Variants in NCOA5 observed in about 807,000 individuals in gnomAD.
The protein encoded by NCOA5 is nuclear receptor coactivator 5, also known as NCoA-5.
A neutral mutation model predicts 59.0 loss-of-function variants in NCOA5; 12 were observed. The observed-to-expected ratio is 0.20, with a 90% CI of 0.13 to 0.33. The LOEUF (loss-of-function observed/expected upper bound fraction) is 0.33. NCOA5 is among the 10% of genes least tolerant of loss of function. The pLI is 1.00. For synonymous variants in NCOA5, 270 were observed against 275.5 expected, an observed-to-expected ratio of 0.98 and a Z score of 0.20; for missense variants, 655 against 766.6, an observed-to-expected ratio of 0.85 and a Z score of 1.72.
chr20:46,088,523 A>G (rs779351833), intron 1 of NCOA5, among the ~76,000 whole-genome samples: 1 of 152,374 alleles, frequency 6.6e-6, no homozygotes, highest in South Asian at 2.1e-4. Context: ...TTAAATTAAG[A>G]GTTGTCAAAA....
chr20:46,083,400 C>T (rs1434979575), intron 1 of NCOA5, among the ~76,000 whole-genome samples: 11 of 152,222 alleles, frequency 7.2e-5, no homozygotes, highest in Non-Finnish European at 1.5e-5. Flanking sequence ...CTGCTTTCCT[C>T]AGCTCCCTTC....
chr20:46,066,099 T>A (rs1314420195), intron 5 of NCOA5, among the ~76,000 whole-genome samples: 1 of 152,140 alleles, frequency 6.6e-6, no homozygotes, highest in Non-Finnish European at 1.5e-5. Flanking sequence ...AACACCTATT[T>A]CCCTAGTCAC....
chr20:46,062,191 A>T lies in NCOA5; in HGVS notation c.*109T>A. The T allele has an allele frequency of 2.5e-6, 2 of 811,090 alleles. No homozygotes were observed. The highest frequency in any genetic ancestry group is 2.9e-5 in the Admixed American group (1 of 34,756). 50.2% of individuals were successfully genotyped at this position (811,090 alleles called of 1,614,324 possible). On this transcript the variant is annotated 3_prime_UTR_variant, in exon 8 of 8. Coordinates refer to ENST00000290231, the MANE Select transcript of NCOA5 (RefSeq NM_020967.3). ...AGGTGGTAGAAATTGATGACACTCG[A>T]TGCCGGCCTGGGAGCGCAGAGAACA...
At position 46,062,564 on chromosome 20, in the gene NCOA5, T is replaced by A; in HGVS notation, c.1476A>T (p.Gly492=). The A allele has an allele frequency of 7.4e-6, 12 of 1,614,184 alleles. No homozygotes were observed. The highest frequency in any genetic ancestry group is 1.0e-5 in the Non-Finnish European group (12 of 1,180,030). The change falls in exon 8 of 8, where the codon GGA becomes GGT. Residue 492 remains glycine, a synonymous_variant. Coordinates refer to ENST00000290231, the MANE Select transcript of NCOA5 (RefSeq NM_020967.3). ...NQPPSILGQG[G]SAQNMGPRPG... is the part of the protein sequence containing the mutation. Reference sequence around the variant, plus strand: ...GTCTGGGGCCCATGTTCTGAGCAGATCCTCCCTGTCCCAAAATGCTTGGAG... The same window carrying A: ...GTCTGGGGCCCATGTTCTGAGCAGAACCTCCCTGTCCCAAAATGCTTGGAG...
rs545900827 is a variant in NCOA5, at chr20:46,073,444, A to G, written c.39-2908T>C. On this transcript the variant is annotated intron_variant, in intron 2 of 7. Coordinates refer to ENST00000290231, the MANE Select transcript of NCOA5 (RefSeq NM_020967.3). Reference sequence around the variant, plus strand: ...AAAGACTAACCAAGATTCTTACTTCAACCTTCCTTATTACATCATATAATC... The same window carrying G: ...AAAGACTAACCAAGATTCTTACTTCGACCTTCCTTATTACATCATATAATC... 3.3e-5 allele frequency among the ~76,000 whole-genome samples: 5 copies of G among 152,362 alleles called. No homozygotes were observed. The East Asian group carries it at 7.7e-4, about 23-fold the overall frequency.
intron 3 of NCOA5, 30 bp from the exon 4 acceptor site, chr20:46,068,668 TAAA>T: frequency 6.2e-7 from 1 of 1,600,948 alleles, no homozygotes; most frequent in Non-Finnish European, 8.5e-7. Context: ...TTCATAAAGA[TAAA>T]ACTGTGTCTT....
chr20:46,086,854 A>T (rs2085050708), intron 1 of NCOA5, among the ~76,000 whole-genome samples: 1 of 151,192 alleles, frequency 6.6e-6, no homozygotes. Flanking sequence ...GAAAGGCATC[A>T]TGATAACTTC....
intron 4 of NCOA5, among the ~76,000 whole-genome samples, chr20:46,068,160 C>G (rs1021153056): frequency 2.6e-5 from 4 of 152,116 alleles, no homozygotes; most frequent in South Asian, 2.1e-4. Flanking sequence ...TCTTGAACTC[C>G]TGGGCTCAAG....
chr20:46,072,969 A>T (rs2084900733), intron 2 of NCOA5, among the ~76,000 whole-genome samples: 1 of 152,244 alleles, frequency 6.6e-6, no homozygotes, highest in South Asian at 2.1e-4. Context: ...ATGTTGAATG[A>T]ATCTTGCTCC....
In NCOA5 at chr20:46,089,545, G is replaced by A. The variant is rs551401465; in HGVS notation, c.-30+272C>T. On this transcript the variant is annotated intron_variant, in intron 1 of 7. Transcript: ENST00000290231. ...GTGACCGACCGTTCGTGCACAGACA[G>A]GCGGCTGCGATGCGACGCCGCCGAC... Among the ~76,000 whole-genome samples the A allele has an allele frequency of 2.0e-4, 31 of 152,294 alleles. No homozygotes were observed. In the East Asian group the frequency reaches 5.6e-3, roughly 28 times the overall value.
At chr20:46,067,295 TAA>T in intron 4 of NCOA5, 114 bp from the exon 5 acceptor site, 1 of 1,218,152 alleles carries the variant, frequency 8.2e-7, no homozygotes, top group South Asian at 1.7e-5. Flanking sequence ...GTCTATCTCC[TAA>T]AAACAGCCAG....
intron 2 of NCOA5, among the ~76,000 whole-genome samples, chr20:46,074,776 T>C (rs2084919476): frequency 6.6e-6 from 1 of 152,226 alleles, no homozygotes; most frequent in Non-Finnish European, 1.5e-5. Context: ...GATGATCATC[T>C]TGGAAAACTG....
intron 1 of NCOA5, 82 bp from the exon 2 acceptor site, chr20:46,079,535 C>T (rs1374492678): frequency 1.7e-6 from 2 of 1,151,042 alleles, no homozygotes. Flanking sequence ...AAAGCAACAA[C>T]AACAAAAACT....
chr20:46,069,566 C>T (rs1049886666), intron 3 of NCOA5, among the ~76,000 whole-genome samples: 12 of 152,108 alleles, frequency 7.9e-5, no homozygotes, highest in Admixed American at 1.3e-4. Context: ...TGAGACTCCA[C>T]GTCTATACAA....
At chr20:46,086,899 C>A (rs1015618358) in intron 1 of NCOA5, among the ~76,000 whole-genome samples, 6 of 152,202 alleles carry the variant, frequency 3.9e-5, no homozygotes, top group Admixed American at 2.6e-4. Flanking sequence ...ATATTTAGCA[C>A]ATAAATGCCT....
intron 2 of NCOA5, among the ~76,000 whole-genome samples, chr20:46,075,622 C>A (rs1474670086): frequency 6.6e-6 from 1 of 152,170 alleles, no homozygotes; most frequent in East Asian, 1.9e-4. Flanking sequence ...TTCAGAAGTA[C>A]AGTCTTACTT....
chr20:46,072,920 G>A (rs1034866668), intron 2 of NCOA5, among the ~76,000 whole-genome samples: 1 of 152,206 alleles, frequency 6.6e-6, no homozygotes. Context: ...AACCCACTAT[G>A]TAGAACAATG....
chr20:46,069,004 G>A (rs2084853630), intron 3 of NCOA5, among the ~76,000 whole-genome samples: 1 of 151,328 alleles, frequency 6.6e-6, no homozygotes, highest in African/African-American at 2.4e-5. Flanking sequence ...ATGGAGTTTT[G>A]CCATGTTGCC....
chr20:46,063,320 CAG>C (rs758558338), intron 7 of NCOA5, 38 bp downstream of exon 7: 1 of 1,590,788 alleles, frequency 6.3e-7, no homozygotes, highest in Non-Finnish European at 8.5e-7. Flanking sequence ...TAGAGAAATG[CAG>C]AGTCAGAACT....
Sources: allele counts gnomAD v4.1 joint callset (sites outside exome capture counted in the v4.1 genomes callset), GRCh38; gene constraint gnomAD v4.1.1; transcripts MANE v1.5; gene names NCBI Gene and HGNC (gene_info 2026-07-23, HGNC 2026-07-21).